Variants in PRKD2 observed in about 807,000 individuals in gnomAD.
The protein encoded by PRKD2 is protein kinase D2, also known as serine/threonine-protein kinase D2.
PRKD2 carries 22 observed loss-of-function variants against 86.0 expected under a neutral mutation model. That is an observed-to-expected ratio of 0.26 (90% confidence interval 0.18 to 0.37). The LOEUF (loss-of-function observed/expected upper bound fraction) is 0.37. Ranked by LOEUF, PRKD2 falls within the 10% of genes least tolerant of loss-of-function variation. PRKD2 has a pLI of 1.00. For synonymous variants in PRKD2, 509 were observed against 510.9 expected (o/e 1.00, Z 0.05); for missense variants, 818 against 1,199.2 (o/e 0.68, Z 4.70).
intron 7 of PRKD2, among the ~76,000 whole-genome samples, 156 bp from the exon 8 acceptor site, chr19:46,698,006 T>C (rs2053585845): frequency 6.6e-6 from 1 of 151,968 alleles, no homozygotes; most frequent in South Asian, 2.1e-4. Flanking sequence ...ACCCGGGAGT[T>C]GCTTTTTGTT....
intron 14 of PRKD2, among the ~76,000 whole-genome samples, chr19:46,686,976 T>TA (rs1451809794): frequency 1.3e-5 from 2 of 151,080 alleles, no homozygotes; most frequent in East Asian, 3.9e-4. Flanking sequence ...ATAAAATAAA[T>TA]AAAACCCTAT....
rs1293807364 is a variant in PRKD2, at chr19:46,691,948, C to G, written c.1614G>C (p.Gln538His). 6.2e-7 allele frequency: 1 copy of G among 1,614,036 alleles called. No homozygotes were observed. The highest frequency in any genetic ancestry group is 1.1e-5 in the South Asian group (1 of 91,076). Reference sequence around the variant, plus strand: ...GGAGTCTCACCACATTCTCTTGGATCTGACTGTTGGACACAGAGATGCTCA... The same window carrying G: ...GGAGTCTCACCACATTCTCTTGGATGTGACTGTTGGACACAGAGATGCTCA... ...ASLSISVSNS[Q>H]IQENVDIATV... The change falls in exon 11 of 18, where the codon CAG becomes CAC. Residue 538 changes from glutamine to histidine, a missense_variant. Gln to His is a conservative substitution (Grantham distance 24, BLOSUM62 0). Coordinates refer to ENST00000291281, the MANE Select transcript of PRKD2 (RefSeq NM_016457.5).
chr19:46,714,825 G>A (rs1332521050), intron 1 of PRKD2, among the ~76,000 whole-genome samples: 1 of 152,204 alleles, frequency 6.6e-6, no homozygotes, highest in Non-Finnish European at 1.5e-5. Context: ...TTGGGGTGGT[G>A]AGCTGGGCCT....
In PRKD2 at chr19:46,678,318, C is replaced by T. The variant is rs763425050; in HGVS notation, c.2338+78G>A. The stretch of plus-strand genomic sequence containing the variant: ...GTGCCAGGCTGTTTCCGGGTCCACC[C>T]CCCTCTCATGGCTCCGCCCACTTCT... On this transcript the variant is annotated intron_variant, in intron 16 of 17. Transcript: ENST00000291281. The surrounding 1 kb of genome is among the most constrained non-coding windows in gnomAD (Gnocchi z 5.7). 3 of 1,546,004 alleles carry T rather than the reference C, an allele frequency of 1.9e-6. No homozygotes were observed. Among genetic ancestry groups the T allele is most frequent in the South Asian group, 2.4e-5 (2 of 83,568 alleles).
intron 17 of PRKD2, 76 bp downstream of exon 17, chr19:46,674,957 T>G (rs1035999989): frequency 1.4e-6 from 2 of 1,404,852 alleles, no homozygotes; most frequent in Non-Finnish European, 2.0e-6. Flanking sequence ...CTTCACAACC[T>G]GCCTAGCCAA....
At chr19:46,698,120 G>A (rs1419958517) in intron 7 of PRKD2, among the ~76,000 whole-genome samples, 3 of 152,110 alleles carry the variant, frequency 2.0e-5, no homozygotes, top group African/African-American at 7.2e-5. Context: ...TCGTGCCTCA[G>A]CCTCCTGAGT....
At chr19:46,704,717 T>G in intron 3 of PRKD2, 68 bp from the exon 4 acceptor site, 9 of 1,523,534 alleles carry the variant, frequency 5.9e-6, no homozygotes, top group Non-Finnish European at 7.9e-6. Context: ...TGAGAAGTTG[T>G]GCCCTTTCCA....
intron 14 of PRKD2, among the ~76,000 whole-genome samples, chr19:46,687,862 C>T (rs2053423881): frequency 6.6e-6 from 1 of 152,026 alleles, no homozygotes; most frequent in Non-Finnish European, 1.5e-5. Flanking sequence ...GGGCTGCTTG[C>T]CCGTTTTTTC....
In PRKD2 at chr19:46,700,854, C is replaced by G. The variant is rs761661352; in HGVS notation, c.1066G>C (p.Glu356Gln). ...DSGVIPGSHS[E>Q]NALHASEEEE... ...TCCTCACTGGCGTGGAGCGCATTCT[C>G]TGAGTGGGAGCCAGGGATGACACCG... The change falls in exon 7 of 18, where the codon GAG (glutamate) becomes CAG (glutamine). Residue 356 changes from glutamate to glutamine, a missense_variant. Coordinates refer to ENST00000291281, the MANE Select transcript of PRKD2 (RefSeq NM_016457.5). 1.2e-6 allele frequency: 2 copies of G among 1,614,238 alleles called. No homozygotes were observed. Among genetic ancestry groups the G allele is most frequent in the Non-Finnish European group, 8.5e-7 (1 of 1,180,052 alleles).
chr19:46,686,658 A>T (rs529481608), intron 14 of PRKD2, among the ~76,000 whole-genome samples: 3 of 151,694 alleles, frequency 2.0e-5, no homozygotes, highest in East Asian at 1.9e-4. Context: ...TCTCAAAAAA[A>T]AAAATAAAAT....
rs143170215 is a variant in PRKD2 at position 46,704,318 on chromosome 19, G to C, written c.740C>G (p.Thr247Arg). Reference protein sequence around the residue: ...SSSSSSASSYTGRPIELDKML... With the variant: ...SSSSSSASSYRGRPIELDKML... The stretch of plus-strand genomic sequence containing the variant: ...CTTGTCCAGCTCAATGGGGCGGCCC[G>C]TATACGATGAGGCAGAAGAGGAGGA... The change falls in exon 5 of 18, where the codon ACG (threonine) becomes AGG (arginine). Residue 247 changes from threonine (T) to arginine (R), a missense_variant. Transcript: ENST00000291281. The C allele has an allele frequency of 2.5e-6, 4 of 1,614,102 alleles. No homozygotes were observed. The highest frequency in any genetic ancestry group is 2.2e-5 in the East Asian group (1 of 44,900).
chr19:46,697,946 G>A, intron 7 of PRKD2, 96 bp from the exon 8 acceptor site: 1 of 974,244 alleles, frequency 1.0e-6, no homozygotes, highest in East Asian at 2.5e-5. Context: ...AGGGAGTTGG[G>A]GACTGTTTTT....
Position 46,716,382 on chromosome 19 carries a change from G to A in PRKD2, c.-12C>T. On this transcript the variant is annotated 5_prime_UTR_variant, in exon 1 of 18. Transcript: ENST00000291281. The surrounding 1 kb of genome is among the most constrained non-coding windows in gnomAD (Gnocchi z 7.9). Reference sequence around the variant, plus strand: ...GGGGCGGTGGCCATGGGGGGAGGCCGGGGACCGGCCGCCTGGAGCCCACCC... The same window carrying A: ...GGGGCGGTGGCCATGGGGGGAGGCCAGGGACCGGCCGCCTGGAGCCCACCC... The A allele has an allele frequency of 7.2e-7, 1 of 1,388,312 alleles. No individual in the cohort carries two copies. Among genetic ancestry groups the A allele is most frequent in the South Asian group, 1.6e-5 (1 of 61,532 alleles). The allele number at this position is 1,388,312 out of a possible 1,614,324, so 86.0% of individuals were successfully genotyped here. A position where few individuals can be genotyped will look rare whatever the true frequency, so the allele number is the denominator to read the frequency against.
chr19:46,689,389 T>G (rs2053450478), intron 14 of PRKD2, 148 bp downstream of exon 14: 11 of 958,914 alleles, frequency 1.1e-5, no homozygotes, highest in Non-Finnish European at 1.7e-5. Context: ...ATTACGGGTG[T>G]GAGCCACTGC....
At chr19:46,677,912 G>A (rs1370255211) in intron 16 of PRKD2, among the ~76,000 whole-genome samples, 1 of 152,120 alleles carries the variant, frequency 6.6e-6, no homozygotes, top group Non-Finnish European at 1.5e-5. Context: ...CACGGCCCCA[G>A]TACACAGCAA....
At chr19:46,711,594 T>C (rs2053809908) in intron 2 of PRKD2, among the ~76,000 whole-genome samples, 2 of 152,120 alleles carry the variant, frequency 1.3e-5, no homozygotes, top group South Asian at 4.2e-4. Context: ...AGTTTCACCA[T>C]GTTGGCCAGG....
At position 46,693,582 on chromosome 19, in the gene PRKD2, G is replaced by A. The variant is rs2053512934; in HGVS notation, c.1576+293C>T. On this transcript the variant is annotated intron_variant, in intron 10 of 17. Coordinates refer to ENST00000291281, the MANE Select transcript of PRKD2 (RefSeq NM_016457.5). This position sits in a 1 kb window ranked among gnomAD's most constrained non-coding sequence, Gnocchi z 4.5. ...CTTCCAAGTACCTGGAACTACAGGT[G>A]TGCACCACCACACCTGGCTAATTGT... 6.6e-6 allele frequency among the ~76,000 whole-genome samples: 1 copy of A among 152,246 alleles called. No individual in the cohort carries two copies. The highest frequency in any genetic ancestry group is 6.5e-5 in the Admixed American group (1 of 15,294).
intron 11 of PRKD2, 35 bp from the exon 12 acceptor site, chr19:46,691,842 A>G (rs1300641141): frequency 1.9e-6 from 3 of 1,613,080 alleles, no homozygotes; most frequent in Admixed American, 1.7e-5. Flanking sequence ...CAGGGGTGCA[A>G]ATGGAAATGG....
chr19:46,713,655 G>A (rs912497420), intron 2 of PRKD2, among the ~76,000 whole-genome samples: 2 of 151,506 alleles, frequency 1.3e-5, no homozygotes, highest in Non-Finnish European at 2.9e-5. Context: ...GGTAGAGATG[G>A]AATCTCACTA....
Sources: gnomAD v4.1 joint callset for allele counts (sites outside exome capture counted in the v4.1 genomes callset) on GRCh38, gnomAD v4.1.1 for gene constraint, Gnocchi (gnomAD v3.1) non-coding constraint, MANE v1.5 for transcripts, NCBI Gene and HGNC (gene_info 2026-07-23, HGNC 2026-07-21) for gene names.